The following CNTN4 variants were observed in gnomAD, a reference collection of about 807,000 sequenced individuals.
CNTN4 encodes the protein contactin 4.
CNTN4 carries 77 observed loss-of-function variants against 122.5 expected under a neutral mutation model. The ratio of observed to expected loss-of-function variants is 0.63; its 90% CI spans 0.52 to 0.76. The LOEUF (loss-of-function observed/expected upper bound fraction) is 0.76. Ranked by LOEUF, CNTN4 falls within the 30% of genes least tolerant of loss-of-function variation. The pLI, the probability that CNTN4 is intolerant of heterozygous loss-of-function variation, is 0.00. For missense variants in CNTN4, 1,256 were observed against 1,259.1 expected (o/e 1.00, Z 0.04); for synonymous variants, 512 against 447.0 (o/e 1.15, Z -1.83).
intron 3 of CNTN4, among the ~76,000 whole-genome samples, chr3:2,565,566 G>T (rs904337874): frequency 6.6e-6 from 1 of 152,092 alleles, no homozygotes; most frequent in South Asian, 2.1e-4. Flanking sequence ...TATCTTGTAT[G>T]GTCAATAATC....
rs2092896988 is a variant in CNTN4 at position 2,822,429 on chromosome 3, A to G, written c.454+2848A>G. On this transcript the variant is annotated intron_variant, in intron 7 of 24. Coordinates refer to ENST00000418658, the MANE Select transcript of CNTN4 (RefSeq NM_175607.3). Reference sequence around the variant, plus strand: ...CATCTTGTTTATCAAGTGTGTTTGCATTATTGAAGGCCTGTCCTTTATATG... The same window carrying G: ...CATCTTGTTTATCAAGTGTGTTTGCGTTATTGAAGGCCTGTCCTTTATATG... Among the ~76,000 whole-genome samples, 4 of 152,328 alleles carry G rather than the reference A, an allele frequency of 2.6e-5. No homozygotes were observed. The South Asian group carries it at 8.3e-4, about 32-fold the overall frequency.
chr3:2,783,357 C>T (rs538881208), intron 6 of CNTN4, among the ~76,000 whole-genome samples: 1 of 152,306 alleles, frequency 6.6e-6, no homozygotes, highest in Admixed American at 6.5e-5. Flanking sequence ...AAAAAGGTCA[C>T]AGCAGTTAGC....
At chr3:2,952,124 G>A (rs1330165625) in intron 13 of CNTN4, among the ~76,000 whole-genome samples, 1 of 152,186 alleles carries the variant, frequency 6.6e-6, no homozygotes, top group African/African-American at 2.4e-5. Context: ...TTAAAGCAAA[G>A]GCAGAAATAC....
At chr3:2,810,848 T>C (rs1361798891) in intron 6 of CNTN4, among the ~76,000 whole-genome samples, 3 of 152,182 alleles carry the variant, frequency 2.0e-5, no homozygotes, top group Admixed American at 2.0e-4. Context: ...AGGTTTTATT[T>C]GGTATGACCG....
chr3:2,400,585 A>G (rs1263157637), intron 3 of CNTN4, among the ~76,000 whole-genome samples: 3 of 149,974 alleles, frequency 2.0e-5, no homozygotes, highest in Non-Finnish European at 3.0e-5. Context: ...CTCAGCTTCA[A>G]AAGTCTTAGT....
At chr3:3,035,726 C>G (rs1699544012) in intron 17 of CNTN4, among the ~76,000 whole-genome samples, 1 of 152,112 alleles carries the variant, frequency 6.6e-6, no homozygotes, top group African/African-American at 2.4e-5. Context: ...CCAGCTAATT[C>G]TCTAAAATTT....
chr3:2,376,985 G>A (rs970423054), intron 3 of CNTN4, among the ~76,000 whole-genome samples: 8 of 152,060 alleles, frequency 5.3e-5, no homozygotes, highest in East Asian at 1.9e-4. Context: ...GTGAAACTCC[G>A]TCTCTACTAA....
intron 13 of CNTN4, among the ~76,000 whole-genome samples, chr3:2,950,652 A>T (rs563829242): frequency 6.6e-6 from 1 of 152,266 alleles, no homozygotes; most frequent in South Asian, 2.1e-4. Flanking sequence ...ACGTGTGGCC[A>T]CTCACCTAGA....
intron 4 of CNTN4, among the ~76,000 whole-genome samples, chr3:2,672,062 G>C (rs914119234): frequency 6.6e-6 from 1 of 152,226 alleles, no homozygotes; most frequent in Non-Finnish European, 1.5e-5. Context: ...TCAGGGGTCA[G>C]GGACCCACTT....
At chr3:2,233,609 T>G (rs1045294920) in intron 2 of CNTN4, among the ~76,000 whole-genome samples, 1 of 152,278 alleles carries the variant, frequency 6.6e-6, no homozygotes, top group South Asian at 2.1e-4. Context: ...GTTGAGAATC[T>G]TCAGACCGTT....
intron 3 of CNTN4, among the ~76,000 whole-genome samples, chr3:2,503,204 A>G (rs578000166): frequency 6.6e-6 from 1 of 152,200 alleles, no homozygotes; most frequent in South Asian, 2.1e-4. Context: ...GAGGAGAGAG[A>G]ATGGGTTCAG....
intron 11 of CNTN4, among the ~76,000 whole-genome samples, chr3:2,901,686 G>GT (rs1169472045): frequency 2.0e-5 from 3 of 152,198 alleles, no homozygotes; most frequent in African/African-American, 7.2e-5. Context: ...CACTGAGAGA[G>GT]TGAGTATTGC....
At chr3:2,804,065 G>GCACA (rs71058651) in intron 6 of CNTN4, among the ~76,000 whole-genome samples, 4,476 of 144,378 alleles carry the variant, frequency 0.031, 225 homozygotes, top group African/African-American at 0.11. Flanking sequence ...ATATATGTCT[G>GCACA]CACACACACA....
chr3:2,704,017 G>C (rs1018617834), intron 4 of CNTN4, among the ~76,000 whole-genome samples: 2 of 152,044 alleles, frequency 1.3e-5, no homozygotes, highest in African/African-American at 4.8e-5. Flanking sequence ...TCTGGGCTAG[G>C]CATGGTGGAT....
chr3:2,917,249 C>T (rs1431372841), intron 12 of CNTN4, among the ~76,000 whole-genome samples: 5 of 151,740 alleles, frequency 3.3e-5, no homozygotes, highest in Non-Finnish European at 7.4e-5. Flanking sequence ...GAGATGGCAG[C>T]AGCACAGTCC....
chr3:2,479,509 A>T (rs563299462), intron 3 of CNTN4, among the ~76,000 whole-genome samples: 1 of 152,296 alleles, frequency 6.6e-6, no homozygotes, highest in African/African-American at 2.4e-5. Flanking sequence ...GGAAATTGAA[A>T]CTTAAGCGGG....
intron 2 of CNTN4, among the ~76,000 whole-genome samples, chr3:2,138,755 A>G (rs536218465): frequency 6.6e-6 from 1 of 152,266 alleles, no homozygotes; most frequent in East Asian, 1.9e-4. Flanking sequence ...GAATTACACC[A>G]TTAGCTCTTC....
rs975101271 is a variant in CNTN4, at chr3:2,961,054, C to T, written c.1359-27291C>T. Among the ~76,000 whole-genome samples the T allele has an allele frequency of 1.7e-4, 24 of 144,656 alleles. 2 individuals carry two copies. The highest frequency in any genetic ancestry group is 3.2e-4 in the Non-Finnish European group (21 of 65,816). The allele number at this position is 144,656 out of a possible 152,430, so 94.9% of individuals were successfully genotyped here. A position where few individuals can be genotyped will look rare whatever the true frequency, so the allele number is the denominator to read the frequency against. On this transcript the variant is annotated intron_variant, in intron 13 of 24. Transcript: ENST00000418658. ...GACCATCCTGGCTAACACGGTGAAA[C>T]CCCGTCTCTACTAAAAATACAAAAA...
intron 2 of CNTN4, among the ~76,000 whole-genome samples, chr3:2,181,776 G>C (rs1039075692): frequency 2.0e-5 from 3 of 152,094 alleles, no homozygotes; most frequent in Admixed American, 6.6e-5. Context: ...ATCACAGCTT[G>C]GGTGAACAAA....
Sources: allele counts gnomAD v4.1 joint callset (sites outside exome capture counted in the v4.1 genomes callset), GRCh38; gene constraint gnomAD v4.1.1; transcripts MANE v1.5; gene names NCBI Gene and HGNC (gene_info 2026-07-23, HGNC 2026-07-21).